The following SDHA variants were observed in gnomAD, a reference collection of about 807,000 sequenced individuals.
SDHA encodes succinate dehydrogenase [ubiquinone] flavoprotein subunit, mitochondrial.
SDHA carries 48 observed loss-of-function variants against 78.4 expected under a neutral mutation model. The ratio of observed to expected loss-of-function variants is 0.61; its 90% CI spans 0.49 to 0.78. The LOEUF (loss-of-function observed/expected upper bound fraction) is 0.78, where lower values mean the gene tolerates loss of function less well. SDHA is among the 30% of genes least tolerant of loss of function. SDHA has a pLI of 0.00. For missense variants in SDHA, 680 were observed against 892.7 expected, an observed-to-expected ratio of 0.76 and a Z score of 3.04; for synonymous variants, 326 against 353.9, an observed-to-expected ratio of 0.92 and a Z score of 0.88.
intron 6 of SDHA, among the ~76,000 whole-genome samples, chr5:229,878 G>A (rs983282586): frequency 1.4e-5 from 2 of 146,438 alleles, no homozygotes; most frequent in Admixed American, 1.4e-4. Context: ...ATGGTGGCCA[G>A]AGTTAACATT....
chr5:229,759 G>A (rs111564442), intron 6 of SDHA, among the ~76,000 whole-genome samples: 15,064 of 149,476 alleles, frequency 0.1, 2,450 homozygotes, highest in African/African-American at 0.35. Flanking sequence ...ATACAGCATG[G>A]TGGTTAGAGT....
chr5:246,204 C>T (rs1449934188), intron 11 of SDHA, among the ~76,000 whole-genome samples: 2 of 151,774 alleles, frequency 1.3e-5, no homozygotes, highest in African/African-American at 4.8e-5. Context: ...GGCCATAAAG[C>T]CCAAATAAAT....
intron 10 of SDHA, among the ~76,000 whole-genome samples, chr5:238,160 A>G (rs992055209): frequency 6.6e-6 from 1 of 151,740 alleles, no homozygotes; most frequent in Non-Finnish European, 1.5e-5. Flanking sequence ...AAAAGGCTGC[A>G]TGCCTGTGGT....
chr5:266,945 C>G, the SDHA span, among the ~76,000 whole-genome samples: 1 of 152,336 alleles, frequency 6.6e-6, no homozygotes, highest in South Asian at 2.1e-4. Context: ...CAGACCTGCA[C>G]CATCCTGAGC....
intron 11 of SDHA, among the ~76,000 whole-genome samples, chr5:247,420 G>A (rs767111457): frequency 1.4e-4 from 22 of 152,292 alleles, no homozygotes; most frequent in Admixed American, 3.3e-4. Context: ...ATGGCTGATC[G>A]CCTAGTTGCT....
At chr5:248,148 G>A (rs1736584814) in intron 11 of SDHA, among the ~76,000 whole-genome samples, 1 of 152,218 alleles carries the variant, frequency 6.6e-6, no homozygotes, top group Admixed American at 6.5e-5. Flanking sequence ...ATAACTTGGG[G>A]TAGAGGTTAT....
chr5:251,097 G>A lies in SDHA; in HGVS notation c.1657G>A (p.Asp553Asn), dbSNP rs769882609. 29 of 1,611,668 alleles carry A rather than the reference G, an allele frequency of 1.8e-5. No homozygotes were observed. The highest frequency in any genetic ancestry group is 2.1e-5 in the Non-Finnish European group (25 of 1,179,672). Reference sequence around the variant, plus strand: ...AGACCTAAAGCACCTGAAGACGTTCGACCGGGGTGAGCAGACAGTGGGCTC... The same window carrying A: ...AGACCTAAAGCACCTGAAGACGTTCAACCGGGGTGAGCAGACAGTGGGCTC... ...YGDLKHLKTFDRGMVWNTDLV... is the reference protein window; with the variant it reads ...YGDLKHLKTFNRGMVWNTDLV... The change falls in exon 12 of 15, where the codon GAC becomes AAC. Residue 553 changes from aspartate (D) to asparagine (N), a missense_variant. Transcript: ENST00000264932.
In SDHA at chr5:254,512, T is replaced by C. The variant is rs1359050908; in HGVS notation, c.1908+6T>C. On this transcript the variant is annotated splice_donor_region_variant and intron_variant, in intron 14 of 14. Coordinates refer to ENST00000264932, the MANE Select transcript of SDHA (RefSeq NM_004168.4). The stretch of plus-strand genomic sequence containing the variant: ...TGGACGTTGGCACTGGGAAGGTCAG[T>C]GTGGAGCTCGTTCTCACCACAGCCC... 1.3e-5 allele frequency: 20 copies of C among 1,550,126 alleles called. No individual in the cohort carries two copies. Among genetic ancestry groups the C allele is most frequent in the East Asian group, 7.2e-5 (3 of 41,730 alleles).
At chr5:227,681 G>A (rs1341174945) in intron 5 of SDHA, 8 of 220,238 alleles carry the variant, frequency 3.6e-5, no homozygotes, top group East Asian at 1.2e-4. Flanking sequence ...ACCTTTCTGC[G>A]GTGCCGGAAT....
intron 11 of SDHA, among the ~76,000 whole-genome samples, chr5:247,513 G>A (rs1009683670): frequency 1.3e-5 from 2 of 152,206 alleles, no homozygotes; most frequent in African/African-American, 2.4e-5. Flanking sequence ...AGCAGTACCC[G>A]GAAAGAAGCT....
intron 1 of SDHA, among the ~76,000 whole-genome samples, chr5:221,355 C>T (rs1734703966): frequency 6.6e-6 from 1 of 152,152 alleles, no homozygotes; most frequent in Non-Finnish European, 1.5e-5. Flanking sequence ...GGATTTAGTT[C>T]ACTTAAACTA....
At chr5:232,115 G>A (rs1735442714) in intron 7 of SDHA, among the ~76,000 whole-genome samples, 3 of 152,200 alleles carry the variant, frequency 2.0e-5, no homozygotes, top group South Asian at 4.1e-4. Context: ...CTGAAGTGGT[G>A]CCAAAGAACC....
intron 11 of SDHA, among the ~76,000 whole-genome samples, chr5:242,225 A>T (rs1736189148): frequency 6.6e-6 from 1 of 152,224 alleles, no homozygotes; most frequent in Non-Finnish European, 1.5e-5. Flanking sequence ...TGTGGCCCAA[A>T]ACTGACCATA....
At chr5:242,813 G>A (rs1303020868) in intron 11 of SDHA, among the ~76,000 whole-genome samples, 3 of 152,254 alleles carry the variant, frequency 2.0e-5, no homozygotes, top group Admixed American at 2.0e-4. Flanking sequence ...GGACACGTGT[G>A]GGCTCTGGTT....
chr5:262,308 TCCGC>T, the SDHA span, among the ~76,000 whole-genome samples: 2 of 103,668 alleles, frequency 1.9e-5, no homozygotes, highest in South Asian at 6.1e-4. Flanking sequence ...CCGTGTGAGC[TCCGC>T]CTCCCGTCAG....
At chr5:219,185 C>CTG (rs1173296795) in intron 1 of SDHA, among the ~76,000 whole-genome samples, 1 of 152,170 alleles carries the variant, frequency 6.6e-6, no homozygotes, top group Non-Finnish European at 1.5e-5. Context: ...ACGCCGGGAC[C>CTG]TGTGCTTGCC....
intron 7 of SDHA, among the ~76,000 whole-genome samples, chr5:231,805 A>G (rs1195065623): frequency 2.0e-5 from 3 of 151,616 alleles, no homozygotes. Context: ...TGACAATGGG[A>G]TGTAAAGTTA....
Position 226,034 on chromosome 5 carries a change from C to G in SDHA, c.608C>G (p.Thr203Ser), listed in dbSNP as rs1735001122. The change falls in exon 5 of 15, where the codon ACC becomes AGC. Residue 203 changes from threonine to serine, a missense_variant. Transcript: ENST00000264932. ...ADRTGHSLLH[T>S]LYGRSLRYDT... ...CGGACTGGCCACTCGCTATTGCACA[C>G]CTTATATGGAAGGGTAAGGCCGCCC... is the stretch of plus-strand genomic sequence containing the variant. 6.2e-7 allele frequency: 1 copy of G among 1,614,122 alleles called. No homozygotes were observed. Among genetic ancestry groups the G allele is most frequent in the Non-Finnish European group, 8.5e-7 (1 of 1,180,020 alleles).
At chr5:222,995 T>C (rs1027137426) in intron 1 of SDHA, among the ~76,000 whole-genome samples, 3 of 152,200 alleles carry the variant, frequency 2.0e-5, no homozygotes, top group African/African-American at 7.2e-5. Flanking sequence ...ACAGATCTCC[T>C]GATTCAATGT....
Sources: allele counts gnomAD v4.1 joint callset (sites outside exome capture counted in the v4.1 genomes callset), GRCh38; gene constraint gnomAD v4.1.1; transcripts MANE v1.5; gene names NCBI Gene and HGNC (gene_info 2026-07-23, HGNC 2026-07-21).